RBFOX1: variants seen among roughly 807,000 people sequenced by gnomAD.
RBFOX1 encodes RNA binding protein fox-1 homolog 1.
Under a neutral mutation model 57.7 loss-of-function variants are expected in RBFOX1, and 8 were observed. That is an observed-to-expected ratio of 0.14 (90% CI 0.08 to 0.25). The LOEUF is 0.25. RBFOX1 is among the 10% of genes least tolerant of loss of function. RBFOX1 has a pLI of 1.00. For synonymous variants in RBFOX1, 326 were observed against 222.4 expected (o/e 1.47, Z -4.15); for missense variants, 611 against 548.5 (o/e 1.11, Z -1.14).
intron 1 of RBFOX1, among the ~76,000 whole-genome samples, chr16:6,148,077 C>G (rs988327285): frequency 3.9e-5 from 6 of 152,222 alleles, no homozygotes; most frequent in African/African-American, 1.4e-4. Context: ...GCCTGTAATC[C>G]CAGCACTTCG....
At chr16:6,745,481 A>G (rs964764561) in intron 3 of RBFOX1, among the ~76,000 whole-genome samples, 8 of 152,204 alleles carry the variant, frequency 5.3e-5, no homozygotes, top group African/African-American at 1.7e-4. Flanking sequence ...TTTAGGATTG[A>G]AAAGATGCCT....
chr16:5,740,816 G>A (rs1050171730), intron 3 of RBFOX1, among the ~76,000 whole-genome samples: 1 of 152,136 alleles, frequency 6.6e-6, no homozygotes, highest in African/African-American at 2.4e-5. Flanking sequence ...CATAGTTTTA[G>A]TATGTCTTGT....
chr16:5,920,963 G>T (rs193016675), intron 4 of RBFOX1, among the ~76,000 whole-genome samples: 196 of 95,330 alleles, frequency 2.1e-3, no homozygotes, highest in Non-Finnish European at 3.9e-3. Flanking sequence ...TGAAGAATCT[G>T]TTCTCCTCTT....
intron 4 of RBFOX1, among the ~76,000 whole-genome samples, chr16:7,255,978 T>C (rs1016405733): frequency 6.6e-6 from 1 of 152,148 alleles, no homozygotes; most frequent in Non-Finnish European, 1.5e-5. Flanking sequence ...ATTATGTGTG[T>C]TGGTGTTAGT....
intron 4 of RBFOX1, among the ~76,000 whole-genome samples, chr16:7,214,943 G>C (rs2091785529): frequency 6.6e-6 from 1 of 152,044 alleles, no homozygotes; most frequent in African/African-American, 2.4e-5. Flanking sequence ...GAATGTGCAG[G>C]TTTGTTACAT....
At chr16:6,899,845 TA>T (rs1460887812) in intron 3 of RBFOX1, among the ~76,000 whole-genome samples, 8 of 152,210 alleles carry the variant, frequency 5.3e-5, no homozygotes, top group Admixed American at 2.0e-4. Context: ...AGCATTTCGT[TA>T]GTAAATAATA....
At chr16:6,960,312 T>G (rs944673494) in intron 3 of RBFOX1, among the ~76,000 whole-genome samples, 1 of 152,118 alleles carries the variant, frequency 6.6e-6, no homozygotes, top group African/African-American at 2.4e-5. Context: ...ATCACTTACG[T>G]CTTTAGACGA....
At chr16:6,698,127 A>T (rs1254324470) in intron 3 of RBFOX1, among the ~76,000 whole-genome samples, 1 of 152,222 alleles carries the variant, frequency 6.6e-6, no homozygotes, top group African/African-American at 2.4e-5. Context: ...TTACTCATGA[A>T]TTAAGAGCTA....
chr16:5,885,920 G>A (rs942316752), intron 4 of RBFOX1, among the ~76,000 whole-genome samples: 2 of 152,130 alleles, frequency 1.3e-5, no homozygotes, highest in South Asian at 2.1e-4. Flanking sequence ...CTCGATGCTG[G>A]AGGAGGGTCC....
chr16:7,178,824 C>G (rs1321444198), intron 4 of RBFOX1, among the ~76,000 whole-genome samples: 5 of 152,184 alleles, frequency 3.3e-5, no homozygotes, highest in Non-Finnish European at 5.9e-5. Context: ...ACCTGTTATT[C>G]TGCAAGTTAT....
intron 1 of RBFOX1, among the ~76,000 whole-genome samples, chr16:6,290,539 G>C (rs1241421949): frequency 6.6e-6 from 1 of 152,188 alleles, no homozygotes; most frequent in Non-Finnish European, 1.5e-5. Flanking sequence ...TGATGTCCGT[G>C]TGAATAACAT....
chr16:5,760,294 A>C (rs1226026937), intron 3 of RBFOX1, among the ~76,000 whole-genome samples: 3 of 152,084 alleles, frequency 2.0e-5, no homozygotes, highest in Non-Finnish European at 4.4e-5. Context: ...AAACAAGACA[A>C]AATTTCTTCC....
intron 4 of RBFOX1, among the ~76,000 whole-genome samples, chr16:7,306,219 G>T (rs2096181215): frequency 6.6e-6 from 1 of 151,864 alleles, no homozygotes; most frequent in Non-Finnish European, 1.5e-5. Flanking sequence ...TTTTAAATTG[G>T]CTTACTCATT....
intron 3 of RBFOX1, among the ~76,000 whole-genome samples, chr16:5,752,292 G>A (rs2053237075): frequency 6.6e-6 from 1 of 152,176 alleles, no homozygotes; most frequent in Admixed American, 6.5e-5. Flanking sequence ...TTGGAGGGTG[G>A]GAGGAGAGAG....
intron 4 of RBFOX1, among the ~76,000 whole-genome samples, chr16:5,878,793 A>C (rs1454504036): frequency 6.6e-6 from 1 of 152,186 alleles, no homozygotes; most frequent in African/African-American, 2.4e-5. Flanking sequence ...GTTTCTGGTA[A>C]ACTAAAAAAA....
At chr16:5,882,316 G>C (rs1434473556) in intron 4 of RBFOX1, among the ~76,000 whole-genome samples, 1 of 152,150 alleles carries the variant, frequency 6.6e-6, no homozygotes, top group Non-Finnish European at 1.5e-5. Context: ...CTTAGAGTTG[G>C]CTTCATTCAA....
In RBFOX1 at chr16:6,850,017, C is replaced by A. The variant is rs191694965; in HGVS notation, c.-16+195367C>A. On this transcript the variant is annotated intron_variant, in intron 3 of 15. Transcript: ENST00000550418. ...GATGAACAAAAGTGACAAGTGACAT[C>A]TTTTTTCTCAAAGAAATACACCATG... Among the ~76,000 whole-genome samples, 38 of 152,282 alleles carry A rather than the reference C, an allele frequency of 2.5e-4. No homozygotes were observed. In the East Asian group the frequency reaches 7.2e-3, roughly 29 times the overall value.
intron 3 of RBFOX1, among the ~76,000 whole-genome samples, chr16:5,796,610 A>G (rs929291316): frequency 1.3e-5 from 2 of 152,240 alleles, no homozygotes. Flanking sequence ...CAGACCTTTC[A>G]TGAGCACTAA....
chr16:7,105,142 G>A (rs974650308), intron 4 of RBFOX1, among the ~76,000 whole-genome samples: 1 of 152,084 alleles, frequency 6.6e-6, no homozygotes, highest in Non-Finnish European at 1.5e-5. Context: ...AGGACTGCCT[G>A]TCATTGCTTC....
Sources: allele counts gnomAD v4.1 joint callset (sites outside exome capture counted in the v4.1 genomes callset), GRCh38; gene constraint gnomAD v4.1.1; transcripts MANE v1.5; gene names NCBI Gene and HGNC (gene_info 2026-07-23, HGNC 2026-07-21).